Variants in PEMT observed in about 807,000 individuals in gnomAD.
The protein encoded by PEMT is phospholipid methyltransferase.
In PEMT, 23 loss-of-function variants were observed where a neutral mutation model predicts 27.4. The observed-to-expected ratio is 0.84, with a 90% confidence interval of 0.60 to 1.19. PEMT has a LOEUF of 1.19. Ranked by LOEUF, PEMT falls within the 50% of genes most tolerant of loss-of-function variation. The pLI is 0.00. For synonymous variants in PEMT, 137 were observed against 139.1 expected (o/e 0.98, Z 0.11); for missense variants, 307 against 310.1 (o/e 0.99, Z 0.07).
At chr17:17,525,071 C>A (rs1284870031) in intron 2 of PEMT, among the ~76,000 whole-genome samples, 1 of 152,094 alleles carries the variant, frequency 6.6e-6, no homozygotes. Context: ...CGCGCCACTG[C>A]ACTCCAGCCT....
At chr17:17,540,645 C>T (rs922327598) in intron 2 of PEMT, among the ~76,000 whole-genome samples, 6 of 152,180 alleles carry the variant, frequency 3.9e-5, no homozygotes, top group Admixed American at 1.3e-4. Flanking sequence ...AGGCAGGCTC[C>T]GCCCCTCCCC....
At position 17,530,493 on chromosome 17, in the gene PEMT, CA is replaced by C. The variant is rs202047141; in HGVS notation, c.205-8099del. On this transcript the variant is annotated intron_variant, in intron 2 of 6. Transcript: ENST00000255389. ...CTGGGTGACAGAGAGACTCCGTCTC[CA>C]AAAAAAAAGAGAGAGAACAAAGGAA... Among the ~76,000 whole-genome samples, 643 of 148,502 alleles carry C rather than the reference CA, an allele frequency of 4.3e-3. 4 individuals are homozygous for C. The highest frequency in any genetic ancestry group is 0.015 in the African/African-American group (614 of 40,360).
At chr17:17,507,516 ATCCAAGCCCAGGC>A (rs1268024585) in intron 5 of PEMT, 1 of 366,580 alleles carries the variant, frequency 2.7e-6, no homozygotes, top group Non-Finnish European at 5.0e-6. Context: ...GTAAGCAAAG[ATCCAAGCCCAGGC>A]TCCAACCCCA....
chr17:17,508,680 G>A (rs188740083), intron 5 of PEMT: 7 of 407,250 alleles, frequency 1.7e-5, no homozygotes, highest in African/African-American at 6.5e-5. Context: ...CGAGGGCAGC[G>A]CCCGCTGTGC....
intron 1 of PEMT, among the ~76,000 whole-genome samples, chr17:17,588,628 G>A (rs950111386): frequency 7.2e-5 from 11 of 152,182 alleles, no homozygotes; most frequent in African/African-American, 2.7e-4. Flanking sequence ...TGGTGAGCAG[G>A]TGATTCGCTA....
At chr17:17,562,507 C>A (rs2142698978) in intron 2 of PEMT, among the ~76,000 whole-genome samples, 2 of 152,360 alleles carry the variant, frequency 1.3e-5, no homozygotes, top group Admixed American at 1.3e-4. Context: ...GAACATGTGC[C>A]TTCGAGCAGA....
intron 2 of PEMT, among the ~76,000 whole-genome samples, chr17:17,540,839 C>G (rs1167535545): frequency 6.6e-6 from 1 of 152,162 alleles, no homozygotes; most frequent in Non-Finnish European, 1.5e-5. Flanking sequence ...AATGGGCTCC[C>G]GAGTGCTCCC....
At chr17:17,547,876 T>G (rs1319307036) in intron 2 of PEMT, among the ~76,000 whole-genome samples, 2 of 152,042 alleles carry the variant, frequency 1.3e-5, no homozygotes, top group Admixed American at 1.3e-4. Flanking sequence ...GCATGGAAAA[T>G]CTAAATCACA....
Position 17,515,459 on chromosome 17 carries a change from GCCTTT to G in PEMT, c.321-2810_321-2806del, listed in dbSNP as rs559867420. ...CTCCGCCTACGGCCCCAGTCCTGGG[GCCTTT>G]CCTTTCCTTTCTCTGAGATGACAGC... On this transcript the variant is annotated intron_variant, in intron 3 of 6. Transcript: ENST00000255389. Among the ~76,000 whole-genome samples the G allele has an allele frequency of 3.6e-3, 554 of 152,260 alleles. 3 individuals carry two copies. The highest frequency in any genetic ancestry group is 0.012 in the African/African-American group (518 of 41,556).
chr17:17,586,214 GAAAA>G (rs763667363), intron 1 of PEMT, among the ~76,000 whole-genome samples: 3,151 of 80,090 alleles, frequency 0.039, 293 homozygotes, highest in African/African-American at 0.13. Flanking sequence ...AAGAAAGAAA[GAAAA>G]AGAAAGAAAG....
chr17:17,576,960 G>A lies in PEMT; in HGVS notation c.164C>T (p.Ala55Val), dbSNP rs748826887. ...CGGATTGAAGGTGATGGTGATGACG[G>A]CAGCCACAAAGCTGGGATCCAGGGG... is the stretch of plus-strand genomic sequence containing the variant. ...VDPLDPSFVA[A>V]VITITFNPLY... is the part of the protein sequence containing the mutation. The change falls in exon 2 of 7, where the codon GCC becomes GTC. Residue 55 changes from alanine (A) to valine (V), a missense_variant. Physicochemically the swap from Ala to Val is moderately conservative, Grantham distance 64. Transcript: ENST00000255389. 6.2e-7 allele frequency: 1 copy of A among 1,613,214 alleles called. No homozygotes were observed. Among genetic ancestry groups the A allele is most frequent in the Non-Finnish European group, 8.5e-7 (1 of 1,179,916 alleles).
At chr17:17,539,056 C>G (rs190259768) in intron 2 of PEMT, among the ~76,000 whole-genome samples, 140 of 152,260 alleles carry the variant, frequency 9.2e-4, no homozygotes, top group African/African-American at 3.2e-3. Context: ...GAAGGGGGGA[C>G]TTTAAAAATC....
intron 2 of PEMT, among the ~76,000 whole-genome samples, chr17:17,546,929 C>T (rs1423108025): frequency 6.6e-6 from 1 of 152,224 alleles, no homozygotes; most frequent in African/African-American, 2.4e-5. Flanking sequence ...GTGGCCGTGG[C>T]TGGACCTCTG....
Position 17,582,418 on chromosome 17 carries a change from C to A in PEMT, c.97-5391G>T. On this transcript the variant is annotated intron_variant, in intron 1 of 6. Coordinates refer to ENST00000255389, the MANE Select transcript of PEMT (RefSeq NM_148172.3). This position sits in a 1 kb window ranked among gnomAD's most constrained non-coding sequence, Gnocchi z 4.9. Reference sequence around the variant, plus strand: ...AGGGGTGCAGGGTTCTCGGGAGCAGCGCTCTGTGGTCAGGGAATGATCTGC... The same window carrying A: ...AGGGGTGCAGGGTTCTCGGGAGCAGAGCTCTGTGGTCAGGGAATGATCTGC... 1 of 985,458 alleles carries A rather than the reference C, an allele frequency of 1.0e-6. No individual in the cohort carries two copies. Among genetic ancestry groups the A allele is most frequent in the Non-Finnish European group, 1.2e-6 (1 of 829,954 alleles). The allele number at this position is 985,458 out of a possible 1,614,324, so 61.0% of individuals were successfully genotyped here. A position where few individuals can be genotyped will look rare whatever the true frequency, so the allele number is the denominator to read the frequency against.
chr17:17,509,877 C>T (rs1597868188), intron 4 of PEMT, among the ~76,000 whole-genome samples: 1 of 152,208 alleles, frequency 6.6e-6, no homozygotes, highest in Non-Finnish European at 1.5e-5. Flanking sequence ...CCTTTCCCTG[C>T]TCTCTGTACA....
chr17:17,568,493 A>G (rs994570069), intron 2 of PEMT, among the ~76,000 whole-genome samples: 2 of 152,204 alleles, frequency 1.3e-5, no homozygotes, highest in Admixed American at 1.3e-4. Flanking sequence ...AGGACTTGGT[A>G]AAGCGCAGGG....
chr17:17,572,946 T>C (rs1217652463), intron 2 of PEMT, among the ~76,000 whole-genome samples: 1 of 152,198 alleles, frequency 6.6e-6, no homozygotes, highest in East Asian at 1.9e-4. Flanking sequence ...CCCAGCACTT[T>C]GGGAGGCCAA....
chr17:17,522,388 C>G lies in PEMT; in HGVS notation c.212G>C (p.Arg71Pro), dbSNP rs779901301. Reference sequence around the variant, plus strand: ...CAGCTTGCGGGTCTTGTGTTCCCATCGTGCAACCTAAACCGTGAGCAGAGA... The same window carrying G: ...CAGCTTGCGGGTCTTGTGTTCCCATGGTGCAACCTAAACCGTGAGCAGAGA... ...FNPLYWNVVA[R>P]WEHKTRKLSR... Residue 71 changes from arginine (R) to proline (P), a missense_variant, in exon 3 of 7, where the codon CGA (arginine) becomes CCA (proline). Coordinates refer to ENST00000255389, the MANE Select transcript of PEMT (RefSeq NM_148172.3). The G allele has an allele frequency of 6.2e-6, 10 of 1,610,756 alleles. No homozygotes were observed. The highest frequency in any genetic ancestry group is 7.6e-6 in the Non-Finnish European group (9 of 1,177,704).
At chr17:17,566,688 C>T (rs1331897005) in intron 2 of PEMT, among the ~76,000 whole-genome samples, 2 of 152,208 alleles carry the variant, frequency 1.3e-5, no homozygotes, top group Non-Finnish European at 2.9e-5. Flanking sequence ...CACTGAAGTA[C>T]GGAGAAGAAC....
Sources: gnomAD v4.1 joint callset for allele counts (sites outside exome capture counted in the v4.1 genomes callset) on GRCh38, gnomAD v4.1.1 for gene constraint, Gnocchi (gnomAD v3.1) non-coding constraint, MANE v1.5 for transcripts, NCBI Gene and HGNC (gene_info 2026-07-23, HGNC 2026-07-21) for gene names.